ARFGEF2: variants seen among roughly 807,000 people sequenced by gnomAD.
The protein encoded by ARFGEF2 is brefeldin A-inhibited guanine nucleotide-exchange protein 2.
In ARFGEF2, 74 loss-of-function variants were observed where a neutral mutation model predicts 219.9. That is an observed-to-expected ratio of 0.34 (90% CI 0.28 to 0.41). The LOEUF (loss-of-function observed/expected upper bound fraction) is 0.41. ARFGEF2 is among the 10% of genes least tolerant of loss of function. The pLI is 1.00. For missense variants in ARFGEF2, 1,743 were observed against 2,218.3 expected (o/e 0.79, Z 4.30); for synonymous variants, 733 against 799.2 (o/e 0.92, Z 1.40).
At chr20:49,028,082 AC>A (rs2091613556) in intron 36 of ARFGEF2, among the ~76,000 whole-genome samples, 1 of 152,112 alleles carries the variant, frequency 6.6e-6, no homozygotes, top group Non-Finnish European at 1.5e-5. Context: ...ACATGGAGAA[AC>A]CCTGTCTCTA....
intron 12 of ARFGEF2, 116 bp from the exon 13 acceptor site, chr20:48,974,650 G>C (rs1309070744): frequency 1.3e-6 from 1 of 772,584 alleles, no homozygotes; most frequent in East Asian, 2.7e-5. Context: ...ATTCTTAATA[G>C]CACTGACTGT....
Position 48,951,390 on chromosome 20 carries a change from T to C in ARFGEF2, c.344T>C (p.Ile115Thr). Reference protein sequence around the residue: ...PDSGAPGKRLIDRIVETICSC... With the variant: ...PDSGAPGKRLTDRIVETICSC... ...AGTGGAGCCCCTGGGAAGCGGCTGA[T>C]CGACAGAATTGTTGAAACCATTTGC... Residue 115 changes from isoleucine (I) to threonine (T), a missense_variant, in exon 4 of 39, where the codon ATC becomes ACC. By Grantham distance (89) the Ile-to-Thr change is moderately conservative. Coordinates refer to ENST00000371917, the MANE Select transcript of ARFGEF2 (RefSeq NM_006420.3). 1.9e-6 allele frequency: 3 copies of C among 1,614,212 alleles called. No individual in the cohort carries two copies. Among genetic ancestry groups the C allele is most frequent in the Non-Finnish European group, 2.5e-6 (3 of 1,180,038 alleles).
At chr20:49,003,870 A>G (rs1043928942) in intron 25 of ARFGEF2, among the ~76,000 whole-genome samples, 1 of 152,198 alleles carries the variant, frequency 6.6e-6, no homozygotes. Context: ...AAAAGCCTCA[A>G]TAATTTTGCA....
intron 26 of ARFGEF2, among the ~76,000 whole-genome samples, chr20:49,008,498 G>A (rs988659023): frequency 1.3e-5 from 2 of 151,872 alleles, no homozygotes; most frequent in South Asian, 4.2e-4. Flanking sequence ...GGGAGGTGGA[G>A]GTTGCAGTGA....
At chr20:48,966,435 T>C (rs183124413) in intron 8 of ARFGEF2, among the ~76,000 whole-genome samples, 2 of 152,352 alleles carry the variant, frequency 1.3e-5, no homozygotes, top group African/African-American at 4.8e-5. Flanking sequence ...CATCTAGATT[T>C]TTCTCCATCT....
At chr20:48,999,255 A>G (rs1411922986) in intron 25 of ARFGEF2, 1 of 453,806 alleles carries the variant, frequency 2.2e-6, no homozygotes, top group Non-Finnish European at 4.4e-6. Flanking sequence ...AAAATTAATA[A>G]TTGTTTTTAA....
intron 38 of ARFGEF2, among the ~76,000 whole-genome samples, 163 bp from the exon 39 acceptor site, chr20:49,032,860 T>C (rs2091644781): frequency 6.6e-6 from 1 of 152,048 alleles, no homozygotes; most frequent in Admixed American, 6.6e-5. Context: ...CCCCAAGTGC[T>C]GGGATTATAG....
chr20:48,963,440 G>C (rs779688827), intron 6 of ARFGEF2, among the ~76,000 whole-genome samples: 5 of 152,178 alleles, frequency 3.3e-5, no homozygotes, highest in African/African-American at 1.2e-4. Flanking sequence ...ACCAAGGCTC[G>C]TTGGTCCCCG....
At chr20:49,002,149 A>ACTCC (rs1384678779) in intron 25 of ARFGEF2, among the ~76,000 whole-genome samples, 1 of 152,192 alleles carries the variant, frequency 6.6e-6, no homozygotes, top group Non-Finnish European at 1.5e-5. Context: ...GAGGCAGGAG[A>ACTCC]CTATCTCGAA....
chr20:49,029,902 A>AATTT (rs1555816762), intron 37 of ARFGEF2, among the ~76,000 whole-genome samples: 3 of 97,774 alleles, frequency 3.1e-5, no homozygotes, highest in Admixed American at 2.3e-4. Flanking sequence ...CTAAAAGTGA[A>AATTT]TTTTTTTTTT....
chr20:49,021,252 A>AT (rs535532841), intron 34 of ARFGEF2, among the ~76,000 whole-genome samples: 31 of 150,134 alleles, frequency 2.1e-4, no homozygotes, highest in Non-Finnish European at 2.4e-4. Flanking sequence ...GAAAAAAAAA[A>AT]TTTTTTTTTT....
Position 49,036,053 on chromosome 20 carries a change from TA to T in ARFGEF2, c.*2855del. On this transcript the variant is annotated 3_prime_UTR_variant, in exon 39 of 39. Coordinates refer to ENST00000371917, the MANE Select transcript of ARFGEF2 (RefSeq NM_006420.3). ...TTTGTGATTAAGGATATACATTTAGTAGTCTTTGTTATTAAAGGAACCTGCT... is the reference window on the plus strand; with the variant it reads ...TTTGTGATTAAGGATATACATTTAGTGTCTTTGTTATTAAAGGAACCTGCT... 1 of 397,726 alleles carries T rather than the reference TA, an allele frequency of 2.5e-6. No individual in the cohort carries two copies. Among genetic ancestry groups the T allele is most frequent in the South Asian group, 1.3e-4 (1 of 7,534 alleles). The allele number at this position is 397,726 out of a possible 1,614,324, so 24.6% of individuals were successfully genotyped here.
intron 37 of ARFGEF2, among the ~76,000 whole-genome samples, chr20:49,029,902 ATTTTTT>A (rs3092436): frequency 4.1e-5 from 4 of 97,788 alleles, no homozygotes; most frequent in African/African-American, 8.7e-5. Flanking sequence ...CTAAAAGTGA[ATTTTTT>A]TTTTTTTTTT....
At chr20:49,023,014 A>C (rs763980722) in intron 34 of ARFGEF2, 37 bp from the exon 35 acceptor site, 13 of 1,613,654 alleles carry the variant, frequency 8.1e-6, no homozygotes, top group South Asian at 7.7e-5. Context: ...GTATTGGCTG[A>C]ATCATTATTA....
chr20:48,943,079 A>T (rs1354358833), intron 3 of ARFGEF2, among the ~76,000 whole-genome samples: 1 of 152,194 alleles, frequency 6.6e-6, no homozygotes, highest in African/African-American at 2.4e-5. Context: ...GTCCATTGTA[A>T]ACAGCAAAAT....
At chr20:49,010,953 G>C (rs2091494035) in intron 27 of ARFGEF2, among the ~76,000 whole-genome samples, 1 of 152,224 alleles carries the variant, frequency 6.6e-6, no homozygotes, top group Non-Finnish European at 1.5e-5. Flanking sequence ...AAACAAGTGT[G>C]CTTAATGTGG....
intron 1 of ARFGEF2, among the ~76,000 whole-genome samples, chr20:48,938,999 A>C (rs6012565): frequency 0.7 from 99,908 of 141,866 alleles, 36,478 homozygotes; most frequent in African/African-American, 0.91. Flanking sequence ...TTTTTTGAGA[A>C]AGTCTCACTA....
intron 26 of ARFGEF2, among the ~76,000 whole-genome samples, chr20:49,009,830 A>T (rs1360532258): frequency 1.3e-5 from 2 of 152,216 alleles, no homozygotes; most frequent in Admixed American, 1.3e-4. Context: ...ATTATTTGAA[A>T]TGTTTTTGGC....
At chr20:48,998,276 C>T in intron 24 of ARFGEF2, 43 bp downstream of exon 24, 1 of 1,614,130 alleles carries the variant, frequency 6.2e-7, no homozygotes, top group Non-Finnish European at 8.5e-7. Context: ...AAGCCTCACG[C>T]TGTGACCGTC....
Sources: allele counts gnomAD v4.1 joint callset (sites outside exome capture counted in the v4.1 genomes callset), GRCh38; gene constraint gnomAD v4.1.1; transcripts MANE v1.5; gene names NCBI Gene and HGNC (gene_info 2026-07-23, HGNC 2026-07-21).